The following IL1R2 variants were observed in gnomAD, a reference collection of about 807,000 sequenced individuals.
The protein encoded by IL1R2 is interleukin 1 receptor type 2.
IL1R2 carries 46 observed loss-of-function variants against 39.5 expected under a neutral mutation model. The observed-to-expected ratio is 1.16, with a 90% CI of 0.92 to 1.49. The LOEUF is 1.49. Among genes scored for constraint, IL1R2 ranks in the 40% most tolerant of loss-of-function variants. IL1R2 has a pLI of 0.00. For missense variants in IL1R2, 537 were observed against 502.0 expected (o/e 1.07, Z -0.67); for synonymous variants, 207 against 189.6 (o/e 1.09, Z -0.75).
chr2:102,014,747 G>C (rs1448223367), intron 3 of IL1R2, among the ~76,000 whole-genome samples: 1 of 151,644 alleles, frequency 6.6e-6, no homozygotes, highest in East Asian at 1.9e-4. Flanking sequence ...CTCTGTCAAA[G>C]TCTCATGTGT....
rs1676499261 is a variant in IL1R2, at chr2:102,009,729, C to G, written c.235C>G (p.Pro79Ala). 6.2e-7 allele frequency: 1 copy of G among 1,614,170 alleles called. No homozygotes were observed. The highest frequency in any genetic ancestry group is 2.2e-5 in the East Asian group (1 of 44,882). ...WHKNDSARTV[P>A]GEEETRMWAQ... ...TAAAAATGACTCTGCTAGGACGGTC[C>G]CAGGAGAAGAAGAGACACGGATGTG... The change falls in exon 3 of 9, where the codon CCA (proline) becomes GCA (alanine). Residue 79 changes from proline (P) to alanine (A), a missense_variant. By Grantham distance (27) the Pro-to-Ala change is conservative. Transcript: ENST00000332549.
intron 1 of IL1R2, among the ~76,000 whole-genome samples, chr2:101,993,414 C>G (rs865778426): frequency 1.3e-5 from 2 of 152,254 alleles, no homozygotes; most frequent in South Asian, 4.2e-4. Context: ...GACTTAAGGT[C>G]ACCCTCACAC....
chr2:102,000,546 A>G (rs914698956), intron 1 of IL1R2, among the ~76,000 whole-genome samples: 2 of 152,202 alleles, frequency 1.3e-5, no homozygotes, highest in Non-Finnish European at 2.9e-5. Context: ...GACATTTCTA[A>G]TTATGGATAC....
intron 8 of IL1R2, among the ~76,000 whole-genome samples, chr2:102,027,403 A>G (rs896328216): frequency 1.8e-4 from 27 of 152,216 alleles, no homozygotes; most frequent in African/African-American, 6.5e-4. Context: ...AAAATTTTCC[A>G]TAACATGAGC....
intron 1 of IL1R2, among the ~76,000 whole-genome samples, chr2:101,995,874 A>T (rs777575416): frequency 2.6e-5 from 4 of 152,160 alleles, no homozygotes; most frequent in Non-Finnish European, 4.4e-5. Context: ...GGTGGAGATT[A>T]TTCCTATTTA....
chr2:102,002,828 CTGTCTG>C (rs1213006658), intron 1 of IL1R2, among the ~76,000 whole-genome samples: 4 of 7,382 alleles, frequency 5.4e-4, no homozygotes, highest in Non-Finnish European at 1.1e-3. Context: ...GTCTTTGTCC[CTGTCTG>C]TGTCTGTGTC....
At chr2:102,021,933 A>G in intron 5 of IL1R2, 1 of 475,074 alleles carries the variant, frequency 2.1e-6, no homozygotes, top group South Asian at 2.3e-5. Context: ...TAGAGCAAGG[A>G]CTGAAGACCT....
intron 1 of IL1R2, among the ~76,000 whole-genome samples, chr2:102,006,784 C>G (rs749900569): frequency 6.6e-6 from 1 of 152,274 alleles, no homozygotes; most frequent in East Asian, 1.9e-4. Context: ...GCTGGCACGA[C>G]TGCTCCCACT....
intron 5 of IL1R2, among the ~76,000 whole-genome samples, chr2:102,020,729 C>G (rs753402862): frequency 2.0e-5 from 3 of 152,196 alleles, no homozygotes; most frequent in Admixed American, 1.3e-4. Flanking sequence ...GCCACTGACT[C>G]AGGTCTCCTG....
At chr2:102,002,200 T>C (rs1675896038) in intron 1 of IL1R2, among the ~76,000 whole-genome samples, 1 of 152,248 alleles carries the variant, frequency 6.6e-6, no homozygotes, top group South Asian at 2.1e-4. Flanking sequence ...TTCCTGCATG[T>C]ATTCTGAAGT....
intron 8 of IL1R2, among the ~76,000 whole-genome samples, chr2:102,026,800 T>G (rs1026400512): frequency 6.6e-6 from 1 of 152,218 alleles, no homozygotes; most frequent in African/African-American, 2.4e-5. Flanking sequence ...ATTAAATTGA[T>G]TTCATATCAA....
chr2:102,006,085 G>C (rs1437736785), intron 1 of IL1R2, among the ~76,000 whole-genome samples: 2 of 152,202 alleles, frequency 1.3e-5, no homozygotes, highest in African/African-American at 2.4e-5. Flanking sequence ...TAAAACACCA[G>C]CTTTGACTTC....
intron 3 of IL1R2, among the ~76,000 whole-genome samples, chr2:102,015,458 AC>A (rs1190739425): frequency 1.3e-5 from 2 of 152,162 alleles, no homozygotes; most frequent in East Asian, 3.9e-4. Flanking sequence ...ATACCAATAA[AC>A]CCATTGTAAG....
At chr2:102,024,695 GAA>G in intron 7 of IL1R2, 27 bp downstream of exon 7, 2 of 1,613,856 alleles carry the variant, frequency 1.2e-6, no homozygotes, top group South Asian at 2.2e-5. Context: ...CTTCTGTTGA[GAA>G]CTCTGTGGGT....
intron 1 of IL1R2, chr2:102,001,921 T>C (rs1458155676): frequency 1.3e-5 from 2 of 152,228 alleles, no homozygotes; most frequent in Non-Finnish European, 2.9e-5. Context: ...CTGATAGCTA[T>C]GTGACTTCAT....
intron 1 of IL1R2, among the ~76,000 whole-genome samples, chr2:102,002,353 T>TGTGTCG (rs1675913196): frequency 6.8e-6 from 1 of 147,216 alleles, no homozygotes; most frequent in African/African-American, 2.5e-5. Context: ...CGGGTGTGTC[T>TGTGTCG]GTGTCTGTGT....
intron 3 of IL1R2, 27 bp from the exon 4 acceptor site, chr2:102,015,844 T>C: frequency 3.2e-6 from 5 of 1,573,828 alleles, no homozygotes; most frequent in Non-Finnish European, 4.4e-6. Flanking sequence ...GCCTTGCCAT[T>C]TATCTTTTTT....
chr2:102,022,122 A>G (rs1357106764), intron 5 of IL1R2, 65 bp from the exon 6 acceptor site: 2 of 1,329,986 alleles, frequency 1.5e-6, no homozygotes, highest in African/African-American at 2.9e-5. Flanking sequence ...CCAAACAATG[A>G]CTTGAACCAC....
In IL1R2 at chr2:102,022,400, G is replaced by A; in HGVS notation, c.751+151G>A. 30 of 696,274 alleles carry A rather than the reference G, an allele frequency of 4.3e-5. 1 individual carries two copies. The South Asian group carries it at 5.0e-4, about 12-fold the overall frequency. 43.1% of individuals were successfully genotyped at this position (696,274 alleles called of 1,614,324 possible). A position where few individuals can be genotyped will look rare whatever the true frequency, so the allele number is the denominator to read the frequency against. ...AGACCTTAGAACTCCAGTGTGTGAG[G>A]CTGGAATAACAAGTGTGAGGAAATA... is the stretch of plus-strand genomic sequence containing the variant. On this transcript the variant is annotated intron_variant, in intron 6 of 8. Transcript: ENST00000332549.
Sources: allele counts gnomAD v4.1 joint callset (sites outside exome capture counted in the v4.1 genomes callset), GRCh38; gene constraint gnomAD v4.1.1; transcripts MANE v1.5; gene names NCBI Gene and HGNC (gene_info 2026-07-23, HGNC 2026-07-21).